Variants in HYDIN observed in about 807,000 individuals in gnomAD.
HYDIN encodes the protein axonemal central pair apparatus protein HYDIN.
HYDIN carries 132 observed loss-of-function variants against 403.9 expected under a neutral mutation model. That is an observed-to-expected ratio of 0.33 (90% CI 0.28 to 0.38). The LOEUF is 0.38. Ranked by LOEUF, HYDIN falls within the 10% of genes least tolerant of loss-of-function variation. HYDIN has a pLI of 1.00. For missense variants in HYDIN, 2,827 were observed against 5,009.5 expected, an observed-to-expected ratio of 0.56 and a Z score of 13.15; for synonymous variants, 1,202 against 1,891.7, an observed-to-expected ratio of 0.64 and a Z score of 9.46.
At chr16:71,223,369 T>C (rs1567472856) in intron 1 of HYDIN, among the ~76,000 whole-genome samples, 1 of 152,022 alleles carries the variant, frequency 6.6e-6, no homozygotes, top group East Asian at 1.9e-4. Context: ...ACCATAAAAA[T>C]CCTAGAAGAT....
intron 1 of HYDIN, among the ~76,000 whole-genome samples, chr16:71,229,343 C>T (rs1217112713): frequency 1.3e-5 from 2 of 152,088 alleles, no homozygotes; most frequent in Admixed American, 1.3e-4. Flanking sequence ...CACCTGCTAA[C>T]AAGGTTGCAA....
chr16:71,153,188 T>C (rs1317705162), intron 6 of HYDIN, among the ~76,000 whole-genome samples: 5 of 152,140 alleles, frequency 3.3e-5, no homozygotes, highest in Non-Finnish European at 7.3e-5. Context: ...AATATTGTCA[T>C]TTTCAAAAGA....
At chr16:70,908,532 C>T in intron 48 of HYDIN, 98 bp from the exon 49 acceptor site, 1 of 1,510,590 alleles carries the variant, frequency 6.6e-7, no homozygotes, top group Non-Finnish European at 8.9e-7. Flanking sequence ...TTGGGGTGGG[C>T]ATGGTGGCCC....
chr16:70,882,792 G>T lies in HYDIN; in HGVS notation c.10083C>A (p.Phe3361Leu), dbSNP rs774136704. The change falls in exon 60 of 86, where the codon TTC (phenylalanine) becomes TTA (leucine). Residue 3361 changes from phenylalanine (F) to leucine (L), a missense_variant. By Grantham distance (22) the Phe-to-Leu change is conservative. Coordinates refer to ENST00000393567, the MANE Select transcript of HYDIN (RefSeq NM_001270974.2). ...AGATGAACTTGTTCTCATCCTCGAC[G>T]AACAGCCCCCCGCTCTCTATGGTCT... ...ILQTIESGGL[F>L]VEDENKFIFC... is the part of the protein sequence containing the mutation. 1 of 1,500,900 alleles carries T rather than the reference G, an allele frequency of 6.7e-7. No homozygotes were observed. The highest frequency in any genetic ancestry group is 9.3e-7 in the Non-Finnish European group (1 of 1,077,102). The allele number at this position is 1,500,900 out of a possible 1,614,324, so 93.0% of individuals were successfully genotyped here.
chr16:71,220,271 T>C (rs1439244586), intron 1 of HYDIN, among the ~76,000 whole-genome samples: 1 of 152,214 alleles, frequency 6.6e-6, no homozygotes. Context: ...CTCAAAACTA[T>C]TCTTAAAGCC....
At chr16:71,064,908 C>T (rs3817213) in intron 15 of HYDIN, 68 bp from the exon 16 acceptor site, 1 of 1,563,536 alleles carries the variant, frequency 6.4e-7, no homozygotes, top group East Asian at 2.3e-5. Flanking sequence ...ACGCAGAGCC[C>T]CAAGCGAGAT....
intron 18 of HYDIN, among the ~76,000 whole-genome samples, chr16:71,051,519 G>A (rs369788596): frequency 7.4e-4 from 112 of 152,012 alleles, no homozygotes; most frequent in African/African-American, 2.3e-3. Flanking sequence ...GGTGGCGGGC[G>A]CCTGTAGTCC....
At chr16:71,047,162 A>C (rs1044186342) in intron 18 of HYDIN, among the ~76,000 whole-genome samples, 13 of 152,096 alleles carry the variant, frequency 8.5e-5, no homozygotes, top group Non-Finnish European at 1.9e-4. Flanking sequence ...CAGGAGACCA[A>C]GGTATTTTCC....
intron 84 of HYDIN, 44 bp from the exon 85 acceptor site, chr16:70,810,051 T>C: frequency 6.4e-7 from 1 of 1,567,584 alleles, no homozygotes; most frequent in Non-Finnish European, 8.8e-7. Context: ...AAAGGCTAAT[T>C]CATCACCTGC....
intron 45 of HYDIN, among the ~76,000 whole-genome samples, chr16:70,930,667 T>C (rs980689466): frequency 6.6e-6 from 1 of 152,172 alleles, no homozygotes; most frequent in South Asian, 2.1e-4. Context: ...TCTTGAACTA[T>C]GTGTGCGGGG....
chr16:71,134,564 G>A (rs1244104433), intron 8 of HYDIN, among the ~76,000 whole-genome samples: 4 of 152,178 alleles, frequency 2.6e-5, no homozygotes, highest in Non-Finnish European at 5.9e-5. Context: ...AGCTACCAAA[G>A]AACATTCTGC....
chr16:70,824,888 T>C (rs1337041037), intron 83 of HYDIN, among the ~76,000 whole-genome samples: 1 of 152,180 alleles, frequency 6.6e-6, no homozygotes, highest in Non-Finnish European at 1.5e-5. Context: ...TTTTGTTCTG[T>C]TGTCCAGGTG....
At position 70,952,569 on chromosome 16, in the gene HYDIN, T is replaced by C. The variant is rs373846919; in HGVS notation, c.6383A>G (p.Lys2128Arg). 18 of 1,613,850 alleles carry C rather than the reference T, an allele frequency of 1.1e-5. No individual in the cohort carries two copies. The highest frequency in any genetic ancestry group is 1.4e-5 in the Non-Finnish European group (17 of 1,180,028). The part of the protein sequence containing the change: ...QGRLSTDTLG[K>R]LASEMTLVAP... ...CACCAGAGTCATCTCGGAGGCTAAC[T>C]TGCCCAAGGTGTCAGTGCTCAGTCG... Residue 2128 changes from lysine (K) to arginine (R), a missense_variant, in exon 41 of 86, where the codon AAG becomes AGG. Lys to Arg is a conservative substitution (Grantham distance 26). Coordinates refer to ENST00000393567, the MANE Select transcript of HYDIN (RefSeq NM_001270974.2).
intron 1 of HYDIN, among the ~76,000 whole-genome samples, chr16:71,190,798 T>G (rs902556700): frequency 6.6e-6 from 1 of 152,168 alleles, no homozygotes; most frequent in South Asian, 2.1e-4. Flanking sequence ...GCACCACTTA[T>G]GTAGTGTTAT....
chr16:70,946,631 G>A (rs2143900613), intron 41 of HYDIN, among the ~76,000 whole-genome samples: 1 of 152,252 alleles, frequency 6.6e-6, no homozygotes, highest in Non-Finnish European at 1.5e-5. Context: ...CGAGGTGGGT[G>A]CTAGGTAGTG....
At chr16:71,136,754 G>A (rs1326467316) in intron 8 of HYDIN, among the ~76,000 whole-genome samples, 2 of 136,648 alleles carry the variant, frequency 1.5e-5, no homozygotes, top group African/African-American at 5.4e-5. Flanking sequence ...GCGACAGTAC[G>A]AGACTCCATC....
chr16:71,059,700 T>C (rs957970522), intron 18 of HYDIN, among the ~76,000 whole-genome samples: 6 of 152,190 alleles, frequency 3.9e-5, no homozygotes, highest in African/African-American at 1.2e-4. Flanking sequence ...ACCTGTGTGA[T>C]AAAATAATCT....
Position 71,062,185 on chromosome 16 carries a change from C to T in HYDIN, c.2360G>A (p.Ser787Asn), listed in dbSNP as rs903463987. 5 of 1,415,838 alleles carry T rather than the reference C, an allele frequency of 3.5e-6. No homozygotes were observed. The highest frequency in any genetic ancestry group is 4.9e-6 in the Non-Finnish European group (5 of 1,025,710). The allele number at this position is 1,415,838 out of a possible 1,614,324, so 87.7% of individuals were successfully genotyped here. Reference protein sequence around the residue: ...RSTVYISIFGSQDPPLVCHLK... With the variant: ...RSTVYISIFGNQDPPLVCHLK... Reference sequence around the variant, plus strand: ...GACTCTCACCAAAGGGGGGTCCTGGCTCCCAAAGATTGAGATGTAAACCGT... The same window carrying T: ...GACTCTCACCAAAGGGGGGTCCTGGTTCCCAAAGATTGAGATGTAAACCGT... Residue 787 changes from serine to asparagine, a missense_variant, in exon 17 of 86, where the codon AGC becomes AAC. Physicochemically the swap from Ser to Asn is conservative, Grantham distance 46. Transcript: ENST00000393567.
intron 6 of HYDIN, among the ~76,000 whole-genome samples, chr16:71,161,672 C>T (rs2086007242): frequency 6.6e-6 from 1 of 151,948 alleles, no homozygotes; most frequent in South Asian, 2.1e-4. Context: ...TTACACTGGG[C>T]TCATCCAGTG....
Sources: allele counts gnomAD v4.1 joint callset (sites outside exome capture counted in the v4.1 genomes callset), GRCh38; gene constraint gnomAD v4.1.1; transcripts MANE v1.5; gene names NCBI Gene and HGNC (gene_info 2026-07-23, HGNC 2026-07-21).